Variants in TMCC1 observed in about 807,000 individuals in gnomAD.
TMCC1 encodes transmembrane and coiled-coil domains protein 1.
TMCC1 carries 15 observed loss-of-function variants against 52.4 expected under a neutral mutation model. That is an observed-to-expected ratio of 0.29 (90% CI 0.19 to 0.44). TMCC1 has a LOEUF of 0.44. Among genes scored for constraint, TMCC1 ranks in the 20% least tolerant of loss-of-function variants. The pLI is 1.00. For missense variants in TMCC1, 503 were observed against 806.0 expected (o/e 0.62, Z 4.55); for synonymous variants, 279 against 301.9 (o/e 0.92, Z 0.79).
At chr3:129,791,471 G>A (rs977144321) in intron 4 of TMCC1, among the ~76,000 whole-genome samples, 1 of 152,068 alleles carries the variant, frequency 6.6e-6, no homozygotes, top group Non-Finnish European at 1.5e-5. Context: ...GTTTGACTCG[G>A]CTTCCTATTG....
At chr3:129,773,743 G>C (rs2054802730) in intron 4 of TMCC1, among the ~76,000 whole-genome samples, 1 of 152,146 alleles carries the variant, frequency 6.6e-6, no homozygotes, top group East Asian at 1.9e-4. Flanking sequence ...CCAGGAGTTT[G>C]AGACCAGCCA....
intron 4 of TMCC1, among the ~76,000 whole-genome samples, chr3:129,808,763 C>G (rs1311296646): frequency 2.0e-5 from 3 of 149,218 alleles, no homozygotes; most frequent in African/African-American, 2.5e-5. Flanking sequence ...AATAAGAAAG[C>G]TACATGATCA....
chr3:129,740,123 C>T lies in TMCC1; in HGVS notation c.577-68859G>A, dbSNP rs1462494068. Among the ~76,000 whole-genome samples the T allele has an allele frequency of 2.6e-5, 4 of 152,224 alleles. No individual in the cohort carries two copies. The South Asian group carries it at 8.3e-4, about 31-fold the overall frequency. Reference sequence around the variant, plus strand: ...CTCAGGTCTTTGCAATCTCTGAAGACGTCCTAGTCTGCACGTGTTTCAGAC... The same window carrying T: ...CTCAGGTCTTTGCAATCTCTGAAGATGTCCTAGTCTGCACGTGTTTCAGAC... On this transcript the variant is annotated intron_variant, in intron 4 of 6. Coordinates refer to ENST00000393238, the MANE Select transcript of TMCC1 (RefSeq NM_001017395.5).
In TMCC1 at chr3:129,655,235, C is replaced by T. The variant is rs886406580; in HGVS notation, c.1512-132G>A. On this transcript the variant is annotated intron_variant, in intron 5 of 6. Transcript: ENST00000393238. ...AAAGAAATTGAGTGGCCTGGGTTAA[C>T]AGGGTGTGCCAGTGGGTATAGCTCT... 1.5e-5 allele frequency: 16 copies of T among 1,091,314 alleles called. No individual in the cohort carries two copies. In the African/African-American group the frequency reaches 2.2e-4, roughly 15 times the overall value. The allele number at this position is 1,091,314 out of a possible 1,614,324, so 67.6% of individuals were successfully genotyped here. A position where few individuals can be genotyped will look rare whatever the true frequency, so the allele number is the denominator to read the frequency against.
intron 1 of TMCC1, 68 bp from the exon 2 acceptor site, chr3:129,880,627 T>C (rs2061416002): frequency 6.6e-6 from 1 of 152,114 alleles, no homozygotes; most frequent in Non-Finnish European, 1.5e-5. Flanking sequence ...TGACAAGCAA[T>C]GACAGGCTGA....
At chr3:129,746,372 G>T (rs558585081) in intron 4 of TMCC1, among the ~76,000 whole-genome samples, 3 of 150,530 alleles carry the variant, frequency 2.0e-5, no homozygotes, top group Non-Finnish European at 4.4e-5. Context: ...GTACAGACGG[G>T]GTTTCACCAT....
chr3:129,820,938 T>C (rs1413027457), intron 4 of TMCC1, among the ~76,000 whole-genome samples: 1 of 152,208 alleles, frequency 6.6e-6, no homozygotes, highest in Admixed American at 6.5e-5. Flanking sequence ...TTGTGGCCTT[T>C]TGATAGTACA....
At chr3:129,731,577 CTAAA>C (rs914384945) in intron 4 of TMCC1, among the ~76,000 whole-genome samples, 1 of 151,912 alleles carries the variant, frequency 6.6e-6, no homozygotes, top group African/African-American at 2.4e-5. Flanking sequence ...GACTCCGTCT[CTAAA>C]TAAATAAATA....
chr3:129,785,618 G>T (rs921512889), intron 4 of TMCC1, among the ~76,000 whole-genome samples: 1 of 150,582 alleles, frequency 6.6e-6, no homozygotes, highest in African/African-American at 2.4e-5. Flanking sequence ...CACACAGAAG[G>T]AGTAGTTACA....
At chr3:129,749,723 C>G (rs1469735127) in intron 4 of TMCC1, among the ~76,000 whole-genome samples, 1 of 152,102 alleles carries the variant, frequency 6.6e-6, no homozygotes, top group Non-Finnish European at 1.5e-5. Flanking sequence ...TAATATGCAG[C>G]ATGAACCATG....
chr3:129,688,745 C>G (rs1279266173), intron 4 of TMCC1: 1 of 985,318 alleles, frequency 1.0e-6, no homozygotes, highest in Non-Finnish European at 1.2e-6. Context: ...AATAGTTTGA[C>G]TCTGAGAATG....
At chr3:129,832,903 C>T (rs1028869575) in intron 2 of TMCC1, 77 bp from the exon 3 acceptor site, 4 of 152,158 alleles carry the variant, frequency 2.6e-5, no homozygotes, top group East Asian at 1.9e-4. Flanking sequence ...ATGCAGAAAA[C>T]GACTGAAAGT....
intron 6 of TMCC1, 89 bp downstream of exon 6, chr3:129,654,879 A>T: frequency 2.9e-6 from 4 of 1,357,068 alleles, no homozygotes; most frequent in Non-Finnish European, 4.1e-6. Context: ...TTTGTTCTCT[A>T]CCTTCTCATC....
chr3:129,734,934 G>T (rs533157359), intron 4 of TMCC1, among the ~76,000 whole-genome samples: 3 of 141,988 alleles, frequency 2.1e-5, no homozygotes, highest in Non-Finnish European at 3.0e-5. Flanking sequence ...ATGGAGTCTC[G>T]CCCTGTCACC....
intron 4 of TMCC1, among the ~76,000 whole-genome samples, chr3:129,765,910 C>T (rs1231156230): frequency 1.3e-5 from 2 of 151,864 alleles, no homozygotes; most frequent in Non-Finnish European, 2.9e-5. Context: ...GGGAGGTACA[C>T]AGGGAGTGAA....
chr3:129,806,813 A>G (rs1347885319), intron 4 of TMCC1, among the ~76,000 whole-genome samples: 3 of 152,152 alleles, frequency 2.0e-5, no homozygotes, highest in Non-Finnish European at 4.4e-5. Context: ...TAAAAACATA[A>G]TACCAGAAAT....
intron 4 of TMCC1, among the ~76,000 whole-genome samples, chr3:129,758,219 T>A (rs1206800588): frequency 6.6e-6 from 1 of 152,188 alleles, no homozygotes; most frequent in East Asian, 1.9e-4. Context: ...GGGTGGTGGA[T>A]CAGATGTCTT....
intron 4 of TMCC1, among the ~76,000 whole-genome samples, chr3:129,824,435 A>C (rs2058567664): frequency 6.6e-6 from 1 of 152,238 alleles, no homozygotes; most frequent in Non-Finnish European, 1.5e-5. Context: ...AGGAACAGTT[A>C]GCTTATCTGT....
rs71620069 is a variant in TMCC1 at position 129,839,919 on chromosome 3, AAT to A, written c.-183-7095_-183-7094del. Among the ~76,000 whole-genome samples the A allele has an allele frequency of 4.0e-3, 605 of 152,128 alleles. 4 individuals are homozygous for A. The highest frequency in any genetic ancestry group is 6.7e-3 in the Non-Finnish European group (455 of 67,980). On this transcript the variant is annotated intron_variant, in intron 2 of 6. Transcript: ENST00000393238. ...AAAGAAACAAACAACAAATGCAACA[AAT>A]AGAGAAGAGCTAGCAAGATGGTAGG...
Sources: allele counts gnomAD v4.1 joint callset (sites outside exome capture counted in the v4.1 genomes callset), GRCh38; gene constraint gnomAD v4.1.1; transcripts MANE v1.5; gene names NCBI Gene and HGNC (gene_info 2026-07-23, HGNC 2026-07-21).